Variants in ARHGAP6 observed in about 807,000 individuals in gnomAD.
ARHGAP6 encodes Rho GTPase activating protein 6.
Under a neutral mutation model 55.7 loss-of-function variants are expected in ARHGAP6, and 16 were observed. The observed-to-expected ratio is 0.29, with a 90% CI of 0.19 to 0.44. ARHGAP6 has a LOEUF of 0.44. Among genes scored for constraint, ARHGAP6 ranks in the 20% least tolerant of loss-of-function variants. ARHGAP6 has a pLI of 1.00. For missense variants in ARHGAP6, 698 were observed against 808.9 expected (o/e 0.86, Z 1.66); for synonymous variants, 382 against 360.9 (o/e 1.06, Z -0.66).
At chrX:11,453,132 T>C (rs2050158588) in intron 1 of ARHGAP6, among the ~76,000 whole-genome samples, 1 of 106,019 alleles carries the variant, frequency 9.4e-6, no homozygotes, top group African/African-American at 3.4e-5. Context: ...AAGCTAAAAT[T>C]TGATTTGGGA....
chrX:11,608,879 T>G (rs138784738), intron 1 of ARHGAP6, among the ~76,000 whole-genome samples: 3 of 111,622 alleles, frequency 2.7e-5, no homozygotes, highest in Non-Finnish European at 5.7e-5. Flanking sequence ...ATTAAACCTA[T>G]TTTTCTTCCC....
chrX:11,647,775 G>C (rs988865522), intron 1 of ARHGAP6, among the ~76,000 whole-genome samples: 10 of 112,305 alleles, frequency 8.9e-5, no homozygotes, highest in African/African-American at 3.2e-4. Flanking sequence ...GTGTTCAAAT[G>C]ATGTTTTATG....
intron 2 of ARHGAP6, among the ~76,000 whole-genome samples, chrX:11,241,741 G>C (rs145573328): frequency 7.7e-4 from 86 of 111,732 alleles, no homozygotes; most frequent in African/African-American, 1.3e-3. Context: ...GTTCACTTTT[G>C]TTGGTATAAG....
At chrX:11,271,839 G>A (rs1401186172) in intron 1 of ARHGAP6, among the ~76,000 whole-genome samples, 3 of 111,268 alleles carry the variant, frequency 2.7e-5, no homozygotes, top group African/African-American at 6.5e-5. Flanking sequence ...AAATATATGC[G>A]GCTACATTTC....
intron 1 of ARHGAP6, among the ~76,000 whole-genome samples, chrX:11,512,895 T>C: frequency 8.9e-6 from 1 of 112,099 alleles, no homozygotes; most frequent in South Asian, 3.8e-4. Flanking sequence ...CAATGTCTAT[T>C]GTTTGAAGCC....
At chrX:11,228,764 T>C (rs976848153) in intron 2 of ARHGAP6, among the ~76,000 whole-genome samples, 9 of 112,428 alleles carry the variant, frequency 8.0e-5, no homozygotes, top group Non-Finnish European at 1.7e-4. Flanking sequence ...AGATGTCTCT[T>C]TAACCACTGT....
At chrX:11,484,929 G>A in intron 1 of ARHGAP6, among the ~76,000 whole-genome samples, 1 of 111,484 alleles carries the variant, frequency 9.0e-6, no homozygotes, top group Non-Finnish European at 1.9e-5. Flanking sequence ...GGGTGAGCAG[G>A]GATTCAGACC....
chrX:11,229,729 T>C (rs1471571541), intron 2 of ARHGAP6, among the ~76,000 whole-genome samples: 1 of 112,206 alleles, frequency 8.9e-6, no homozygotes, highest in Non-Finnish European at 1.9e-5. Flanking sequence ...ATTCCATTCA[T>C]GAATTGTTCA....
At chrX:11,414,703 T>C (rs1476561186) in intron 1 of ARHGAP6, among the ~76,000 whole-genome samples, 1 of 111,947 alleles carries the variant, frequency 8.9e-6, no homozygotes. Context: ...CATGTCAAAA[T>C]TGATCAAATT....
intron 1 of ARHGAP6, among the ~76,000 whole-genome samples, chrX:11,379,018 C>T (rs1438634183): frequency 8.9e-6 from 1 of 112,406 alleles, no homozygotes; most frequent in Non-Finnish European, 1.9e-5. Context: ...TAATAACCTA[C>T]TCGGAAGCTG....
chrX:11,420,811 G>A (rs1207462333), intron 1 of ARHGAP6, among the ~76,000 whole-genome samples: 1 of 111,758 alleles, frequency 8.9e-6, no homozygotes, highest in Non-Finnish European at 1.9e-5. Flanking sequence ...AGGCTGCTGA[G>A]CACTCCACAC....
intron 1 of ARHGAP6, among the ~76,000 whole-genome samples, chrX:11,481,978 C>T (rs1008628538): frequency 8.9e-6 from 1 of 112,588 alleles, no homozygotes; most frequent in African/African-American, 3.2e-5. Flanking sequence ...TAGAGTTCCA[C>T]AGCTTAGAGG....
intron 1 of ARHGAP6, among the ~76,000 whole-genome samples, chrX:11,482,192 A>G (rs777081169): frequency 8.9e-6 from 1 of 112,273 alleles, no homozygotes; most frequent in South Asian, 3.7e-4. Context: ...TGCGCAGGAT[A>G]GTCCCCCACA....
chrX:11,447,128 CA>C (rs1430609726), intron 1 of ARHGAP6, among the ~76,000 whole-genome samples: 1 of 111,807 alleles, frequency 8.9e-6, no homozygotes, highest in East Asian at 2.8e-4. Context: ...GCACTTTCTC[CA>C]AGATGAGGGA....
At chrX:11,531,977 T>C (rs1404203602) in intron 1 of ARHGAP6, among the ~76,000 whole-genome samples, 1 of 112,332 alleles carries the variant, frequency 8.9e-6, no homozygotes, top group Non-Finnish European at 1.9e-5. Flanking sequence ...ACATGCACAT[T>C]CTCATTTGAG....
At chrX:11,527,445 C>T (rs952577641) in intron 1 of ARHGAP6, among the ~76,000 whole-genome samples, 10 of 111,235 alleles carry the variant, frequency 9.0e-5, no homozygotes, top group Middle Eastern at 4.6e-3. Context: ...AACCTTGTCT[C>T]TATTAAAAAT....
intron 1 of ARHGAP6, among the ~76,000 whole-genome samples, chrX:11,358,308 T>C (rs1037017114): frequency 1.8e-5 from 2 of 111,989 alleles, no homozygotes; most frequent in African/African-American, 6.5e-5. Context: ...TTAGCTATTA[T>C]AAATAACACT....
At chrX:11,629,122 G>T (rs1049517825) in intron 1 of ARHGAP6, among the ~76,000 whole-genome samples, 2 of 111,436 alleles carry the variant, frequency 1.8e-5, no homozygotes, top group Admixed American at 9.6e-5. Flanking sequence ...GCTAGGAAAG[G>T]AGGGAACCTG....
intron 2 of ARHGAP6, among the ~76,000 whole-genome samples, chrX:11,209,325 G>T (rs1755712533): frequency 9.0e-6 from 1 of 110,884 alleles, no homozygotes; most frequent in Non-Finnish European, 1.9e-5. Context: ...CTGCGTTTTT[G>T]GGAGAGATGG....
Sources: gnomAD v4.1 joint callset for allele counts (sites outside exome capture counted in the v4.1 genomes callset) on GRCh38, gnomAD v4.1.1 for gene constraint, MANE v1.5 for transcripts, NCBI Gene and HGNC (gene_info 2026-07-23, HGNC 2026-07-21) for gene names.